Variants in CYBA observed in about 807,000 individuals in gnomAD.
CYBA encodes cytochrome b-245 light chain.
CYBA carries 21 observed loss-of-function variants against 20.8 expected under a neutral mutation model. That is an observed-to-expected ratio of 1.01 (90% CI 0.72 to 1.46). The LOEUF (loss-of-function observed/expected upper bound fraction) is 1.46. Among genes scored for constraint, CYBA ranks in the 40% most tolerant of loss-of-function variants. The pLI is 0.00. For synonymous variants in CYBA, 164 were observed against 127.5 expected, an observed-to-expected ratio of 1.29 and a Z score of -1.93; for missense variants, 344 against 287.0, an observed-to-expected ratio of 1.20 and a Z score of -1.43.
chr16:88,648,035 G>A lies in CYBA; in HGVS notation c.128+10C>T. 1.2e-6 allele frequency: 2 copies of A among 1,611,088 alleles called. No individual in the cohort carries two copies. The highest frequency in any genetic ancestry group is 1.7e-6 in the Non-Finnish European group (2 of 1,179,048). Reference sequence around the variant, plus strand: ...TTCCCCGCCCACCCCAGCCTCAGGTGGAAGGATACATGGAGTAGGCACCAA... The same window carrying A: ...TTCCCCGCCCACCCCAGCCTCAGGTAGAAGGATACATGGAGTAGGCACCAA... On this transcript the variant is annotated intron_variant, in intron 2 of 5. Coordinates refer to ENST00000261623, the MANE Select transcript of CYBA (RefSeq NM_000101.4).
chr16:88,648,317 G>A (rs1469835041), intron 1 of CYBA, among the ~76,000 whole-genome samples: 1 of 152,202 alleles, frequency 6.6e-6, no homozygotes, highest in East Asian at 1.9e-4. Flanking sequence ...ACGGGCTGGC[G>A]GAGGGGGTGC....
At chr16:88,645,314 C>T (rs1907239322) in intron 5 of CYBA, 1 of 702,348 alleles carries the variant, frequency 1.4e-6, no homozygotes, top group East Asian at 2.7e-5. Context: ...AACAGAACTC[C>T]ACTTCCATAC....
intron 3 of CYBA, 38 bp from the exon 4 acceptor site, chr16:88,646,876 C>T (rs762117809): frequency 6.4e-7 from 1 of 1,553,928 alleles, no homozygotes; most frequent in South Asian, 1.1e-5. Flanking sequence ...GCGGCTGGGC[C>T]TCTCCCACTC....
chr16:88,645,942 C>A, intron 5 of CYBA, 174 bp downstream of exon 5: 1 of 617,746 alleles, frequency 1.6e-6, no homozygotes, highest in Non-Finnish European at 2.9e-6. Flanking sequence ...CCAAAAATGG[C>A]AGCAGCAACC....
chr16:88,643,489 G>C lies in CYBA; in HGVS notation c.452C>G (p.Pro151Arg). 1 of 1,533,152 alleles carries C rather than the reference G, an allele frequency of 6.5e-7. No homozygotes were observed. The highest frequency in any genetic ancestry group is 1.2e-5 in the South Asian group (1 of 83,810). The allele number at this position is 1,533,152 out of a possible 1,614,324, so 95.0% of individuals were successfully genotyped here. Residue 151 changes from proline to arginine, a missense_variant, in exon 6 of 6, where the codon CCG becomes CGG. Coordinates refer to ENST00000261623, the MANE Select transcript of CYBA (RefSeq NM_000101.4). The surrounding 1 kb of genome is among the most constrained non-coding windows in gnomAD (Gnocchi z 4.3). The stretch of plus-strand genomic sequence containing the variant: ...GGGCCGCGGCGGGGGGTTGCTGGGC[G>C]GCTGCTTGATGGTGCCTCCGATCTG... ...RPQIGGTIKQ[P>R]PSNPPPRPPA... is the part of the protein sequence containing the mutation.
chr16:88,650,006 G>A (rs1048842557), intron 1 of CYBA, among the ~76,000 whole-genome samples: 15 of 152,194 alleles, frequency 9.9e-5, no homozygotes, highest in African/African-American at 3.1e-4. Context: ...CCTGGGCACA[G>A]GACAGGCTGC....
chr16:88,647,685 A>C, intron 2 of CYBA: 1 of 405,758 alleles, frequency 2.5e-6, no homozygotes, highest in Non-Finnish European at 4.7e-6. Context: ...GCTGGGCGGC[A>C]GGGCTGAGAT....
Position 88,643,618 on chromosome 16 carries a change from C to CCAA in CYBA, c.370-48_370-47insTTG. The CCAA allele has an allele frequency of 6.7e-7, 1 of 1,487,770 alleles. No homozygotes were observed. The allele number at this position is 1,487,770 out of a possible 1,614,324, so 92.2% of individuals were successfully genotyped here. The stretch of plus-strand genomic sequence containing the variant: ...AGCCGCGCCCCAGCGCCCGCCCTCC[C>CCAA]TCCCTCCCTCCCTCCCCGGAGGCCC... On this transcript the variant is annotated intron_variant, in intron 5 of 5. Coordinates refer to ENST00000261623, the MANE Select transcript of CYBA (RefSeq NM_000101.4). This position sits in a 1 kb window ranked among gnomAD's most constrained non-coding sequence, Gnocchi z 4.3.
Position 88,647,138 on chromosome 16 carries a change from G to A in CYBA, c.166C>T (p.Arg56Trp), listed in dbSNP as rs767148046. The A allele has an allele frequency of 1.2e-5, 20 of 1,611,018 alleles. No individual in the cohort carries two copies. Among genetic ancestry groups the A allele is most frequent in the Admixed American group, 1.0e-4 (6 of 59,970 alleles). Reference protein sequence around the residue: ...GVFVCLLEYPRGKRKKGSTME... With the variant: ...GVFVCLLEYPWGKRKKGSTME... Reference sequence around the variant, plus strand: ...GTGGAGCCCTTCTTCCTCTTCCCCCGGGGGTACTCCAGCAGGCACACAAAC... The same window carrying A: ...GTGGAGCCCTTCTTCCTCTTCCCCCAGGGGTACTCCAGCAGGCACACAAAC... The change falls in exon 3 of 6, where the codon CGG (arginine) becomes TGG (tryptophan). Residue 56 changes from arginine to tryptophan, a missense_variant. By Grantham distance (101) the Arg-to-Trp change is moderately radical. Transcript: ENST00000261623.
intron 4 of CYBA, chr16:88,646,425 C>A: frequency 4.4e-6 from 3 of 684,916 alleles, no homozygotes; most frequent in South Asian, 3.1e-5. Flanking sequence ...TGTGGGTGTC[C>A]TGGCCTCAGC....
chr16:88,649,186 C>A (rs898700518), intron 1 of CYBA, among the ~76,000 whole-genome samples: 1 of 152,232 alleles, frequency 6.6e-6, no homozygotes, highest in Non-Finnish European at 1.5e-5. Flanking sequence ...ATCCGCCCGC[C>A]TTGGCCTCCC....
At chr16:88,646,994 G>A (rs1045683781) in intron 3 of CYBA, 107 bp downstream of exon 3, 6 of 1,228,338 alleles carry the variant, frequency 4.9e-6, no homozygotes, top group South Asian at 1.2e-5. Flanking sequence ...AGCACCAAAG[G>A]GTTGGTTCCG....
At chr16:88,650,277 G>A (rs1370891270) in intron 1 of CYBA, 1 of 427,218 alleles carries the variant, frequency 2.3e-6, no homozygotes, top group Admixed American at 2.4e-5. Flanking sequence ...ACACTCCCTG[G>A]CCCTGGTCCC....
Position 88,649,969 on chromosome 16 carries a change from C to T in CYBA, c.58+987G>A, listed in dbSNP as rs147163390. Among the ~76,000 whole-genome samples, 33 of 152,272 alleles carry T rather than the reference C, an allele frequency of 2.2e-4. 1 individual carries two copies. The East Asian group carries it at 5.8e-3, about 27-fold the overall frequency. On this transcript the variant is annotated intron_variant, in intron 1 of 5. Coordinates refer to ENST00000261623, the MANE Select transcript of CYBA (RefSeq NM_000101.4). ...TGAACTGACCCACCGACTTCTTGGC[C>T]GCTGACTCGAAGCAGGCGGTCACTT... is the stretch of plus-strand genomic sequence containing the variant.
intron 5 of CYBA, chr16:88,645,057 G>A (rs1367204043): frequency 1.5e-6 from 1 of 649,042 alleles, no homozygotes; most frequent in African/African-American, 1.8e-5. Context: ...GTTGTCTGCT[G>A]AGGAGCAGCT....
chr16:88,645,248 C>T, intron 5 of CYBA: 1 of 702,396 alleles, frequency 1.4e-6, no homozygotes, highest in Non-Finnish European at 2.6e-6. Context: ...GAGCACTTGG[C>T]AACAGGAAGG....
intron 5 of CYBA, chr16:88,645,192 G>A (rs750177392): frequency 3.6e-5 from 25 of 701,772 alleles, no homozygotes; most frequent in African/African-American, 1.2e-4. Context: ...GCAGGGAGAC[G>A]GGGGGGATGC....
At chr16:88,647,669 G>A (rs1907339031) in intron 2 of CYBA, 2 of 389,600 alleles carry the variant, frequency 5.1e-6, no homozygotes, top group Non-Finnish European at 9.7e-6. Context: ...CTTGTCGCAA[G>A]GTCCGGCTGG....
intron 1 of CYBA, chr16:88,650,605 C>A (rs1907481165): frequency 1.9e-6 from 1 of 517,896 alleles, no homozygotes; most frequent in Non-Finnish European, 3.7e-6. Context: ...GGAGCCCCCA[C>A]TCGGGGGCTT....
Sources: gnomAD v4.1 joint callset for allele counts (sites outside exome capture counted in the v4.1 genomes callset) on GRCh38, gnomAD v4.1.1 for gene constraint, Gnocchi (gnomAD v3.1) non-coding constraint, MANE v1.5 for transcripts, NCBI Gene and HGNC (gene_info 2026-07-23, HGNC 2026-07-21) for gene names.